MYBL1: variants seen among roughly 807,000 people sequenced by gnomAD.
MYBL1 encodes myb-related protein A.
MYBL1 carries 17 observed loss-of-function variants against 96.3 expected under a neutral mutation model. That is an observed-to-expected ratio of 0.18 (90% CI 0.12 to 0.26). The LOEUF is 0.26. MYBL1 is among the 10% of genes least tolerant of loss of function. The pLI is 1.00. For missense variants in MYBL1, 701 were observed against 882.9 expected (o/e 0.79, Z 2.61); for synonymous variants, 282 against 292.7 (o/e 0.96, Z 0.37).
chr8:66,608,372 G>C (rs1428305081), intron 1 of MYBL1, among the ~76,000 whole-genome samples: 1 of 152,050 alleles, frequency 6.6e-6, no homozygotes, highest in Non-Finnish European at 1.5e-5. Flanking sequence ...AGAATTCTTA[G>C]AATTATCTAC....
intron 1 of MYBL1, among the ~76,000 whole-genome samples, chr8:66,609,685 A>T (rs755058842): frequency 5.9e-5 from 9 of 152,040 alleles, no homozygotes; most frequent in Non-Finnish European, 1.0e-4. Flanking sequence ...ATAAACAAAA[A>T]CATTGTGAGA....
At chr8:66,570,558 C>G (rs1808688349) in intron 12 of MYBL1, among the ~76,000 whole-genome samples, 1 of 152,082 alleles carries the variant, frequency 6.6e-6, no homozygotes, top group Non-Finnish European at 1.5e-5. Context: ...TGTCTAATCC[C>G]CAATTAGTCT....
At chr8:66,598,635 T>C (rs1180912335) in intron 4 of MYBL1, among the ~76,000 whole-genome samples, 1 of 152,174 alleles carries the variant, frequency 6.6e-6, no homozygotes, top group Non-Finnish European at 1.5e-5. Context: ...ATCCTGGGAC[T>C]CATTATAGGT....
chr8:66,600,697 A>G (rs1810033348), intron 3 of MYBL1, among the ~76,000 whole-genome samples: 1 of 152,162 alleles, frequency 6.6e-6, no homozygotes, highest in Admixed American at 6.5e-5. Flanking sequence ...ATTCAAACTG[A>G]CTCCAAAATT....
chr8:66,595,730 C>T lies in MYBL1; in HGVS notation c.540G>A (p.Trp180Ter). 6.4e-7 allele frequency: 1 copy of T among 1,564,920 alleles called. No homozygotes were observed. Among genetic ancestry groups the T allele is most frequent in the Non-Finnish European group, 8.7e-7 (1 of 1,153,366 alleles). ...CCACTTTTCTTCGCATAGTAGAATT[C>T]CAATGATTTTTGATAGAATTATCAG... ...GRTDNSIKNH[W>*]NSTMRRKVEQ... is the part of the protein sequence containing the mutation. Residue 180 changes from tryptophan to a stop codon, truncating the protein, a stop_gained, in exon 6 of 16, where the codon TGG (tryptophan) becomes TGA (stop). Coordinates refer to ENST00000522677, the MANE Select transcript of MYBL1 (RefSeq NM_001080416.4). LOFTEE classifies it high-confidence loss of function.
chr8:66,586,016 A>G (rs1006105345), intron 8 of MYBL1, among the ~76,000 whole-genome samples: 4 of 149,264 alleles, frequency 2.7e-5, no homozygotes, highest in Admixed American at 2.0e-4. Flanking sequence ...ACTAATAATA[A>G]TCTGGTTTGG....
chr8:66,609,667 G>A (rs938937572), intron 1 of MYBL1, among the ~76,000 whole-genome samples: 2 of 151,946 alleles, frequency 1.3e-5, no homozygotes, highest in African/African-American at 2.4e-5. Flanking sequence ...GTTCTACCTA[G>A]TAATTCCATA....
At chr8:66,572,310 A>G (rs1808766383) in intron 12 of MYBL1, among the ~76,000 whole-genome samples, 172 bp downstream of exon 12, 1 of 149,684 alleles carries the variant, frequency 6.7e-6, no homozygotes, top group East Asian at 2.0e-4. Context: ...ACAAAGTAAG[A>G]CTCCGTCTCA....
intron 14 of MYBL1, 113 bp from the exon 15 acceptor site, chr8:66,566,356 T>C: frequency 1.7e-6 from 1 of 599,302 alleles, no homozygotes; most frequent in Non-Finnish European, 2.7e-6. Context: ...AAGAAAGCAT[T>C]TGGCTCTGAT....
chr8:66,574,915 G>A (rs904394183), intron 10 of MYBL1, among the ~76,000 whole-genome samples: 17 of 152,182 alleles, frequency 1.1e-4, no homozygotes, highest in Admixed American at 2.6e-4. Context: ...TTAGCCGGGC[G>A]TGGTGGCACA....
rs1328823235 is a variant in MYBL1 at position 66,612,912 on chromosome 8, T to C, written c.-74A>G. On this transcript the variant is annotated 5_prime_UTR_variant, in exon 1 of 16. Transcript: ENST00000522677. ...TCCTCCAGCCTCCGGCGAATGCTCC[T>C]TCTCCCCGATCCTCTAGCCGCTTCC... The C allele has an allele frequency of 2.3e-6, 3 of 1,310,498 alleles. No homozygotes were observed. Among genetic ancestry groups the C allele is most frequent in the Non-Finnish European group, 2.0e-6 (2 of 1,014,758 alleles). 81.2% of individuals were successfully genotyped at this position (1,310,498 alleles called of 1,614,324 possible).
At chr8:66,599,230 A>G (rs994211284) in intron 3 of MYBL1, 88 bp from the exon 4 acceptor site, 4 of 728,122 alleles carry the variant, frequency 5.5e-6, no homozygotes, top group African/African-American at 1.8e-5. Flanking sequence ...CCTTAGAACA[A>G]AGACTTCAAG....
At chr8:66,597,030 C>A (rs1307332580) in intron 5 of MYBL1, among the ~76,000 whole-genome samples, 1 of 152,088 alleles carries the variant, frequency 6.6e-6, no homozygotes, top group Admixed American at 6.6e-5. Context: ...AAGGGGGTCT[C>A]ACTTGATTGA....
rs902427122 is a variant in MYBL1 at position 66,562,886 on chromosome 8, T to C, written c.*1811A>G. ...TCAATAAGGCATAATCTTAGTACCA[T>C]ACATTTTCTTCACTTCTCACTATAT... On this transcript the variant is annotated 3_prime_UTR_variant, in exon 16 of 16. Coordinates refer to ENST00000522677, the MANE Select transcript of MYBL1 (RefSeq NM_001080416.4). The C allele has an allele frequency of 1.3e-5, 2 of 149,476 alleles. No homozygotes were observed. The highest frequency in any genetic ancestry group is 2.4e-5 in the African/African-American group (1 of 40,954). The allele number at this position is 149,476 out of a possible 1,614,324, so 9.3% of individuals were successfully genotyped here.
chr8:66,586,780 G>A (rs954997387), intron 8 of MYBL1, among the ~76,000 whole-genome samples: 52 of 152,088 alleles, frequency 3.4e-4, no homozygotes, highest in African/African-American at 1.1e-3. Context: ...GATGAATAAA[G>A]CAAGAAAATG....
At chr8:66,567,572 C>T (rs961571733) in intron 12 of MYBL1, among the ~76,000 whole-genome samples, 1 of 151,474 alleles carries the variant, frequency 6.6e-6, no homozygotes, top group African/African-American at 2.4e-5. Context: ...GGGTAGGTTA[C>T]AGAGAGATAG....
rs1425734948 is a variant in MYBL1, at chr8:66,564,044, C to T, written c.*653G>A. 6.6e-6 allele frequency: 1 copy of T among 152,390 alleles called. No individual in the cohort carries two copies. Among genetic ancestry groups the T allele is most frequent in the Non-Finnish European group, 1.5e-5 (1 of 67,892 alleles). 9.4% of individuals were successfully genotyped at this position (152,390 alleles called of 1,614,324 possible). A position where few individuals can be genotyped will look rare whatever the true frequency, so the allele number is the denominator to read the frequency against. ...ACTGTACAATACATTCAACAAAACTCTCAGCTCCTCTGAGATTAAGAAAAT... is the reference window on the plus strand; with the variant it reads ...ACTGTACAATACATTCAACAAAACTTTCAGCTCCTCTGAGATTAAGAAAAT... On this transcript the variant is annotated 3_prime_UTR_variant, in exon 16 of 16. Coordinates refer to ENST00000522677, the MANE Select transcript of MYBL1 (RefSeq NM_001080416.4).
rs528648441 is a variant in MYBL1 at position 66,589,067 on chromosome 8, T to C, written c.867+3373A>G. On this transcript the variant is annotated intron_variant, in intron 8 of 15. Transcript: ENST00000522677. ...CATATGGGTATGGAGTCTATTCTAC[T>C]GGCTGCAGCAACTTCCCTCTAGATT... Among the ~76,000 whole-genome samples the C allele has an allele frequency of 4.7e-4, 72 of 152,342 alleles. 1 individual carries two copies. The highest frequency in any genetic ancestry group is 9.0e-4 in the Non-Finnish European group (61 of 68,020).
At chr8:66,608,724 T>C (rs2130074463) in intron 1 of MYBL1, among the ~76,000 whole-genome samples, 1 of 152,294 alleles carries the variant, frequency 6.6e-6, no homozygotes, top group East Asian at 1.9e-4. Flanking sequence ...GACATTTCTG[T>C]ATTATAACAA....
Sources: gnomAD v4.1 joint callset for allele counts (sites outside exome capture counted in the v4.1 genomes callset) on GRCh38, gnomAD v4.1.1 for gene constraint, MANE v1.5 for transcripts, NCBI Gene and HGNC (gene_info 2026-07-23, HGNC 2026-07-21) for gene names.